Variants in MCTP1 observed in about 807,000 individuals in gnomAD.
MCTP1 encodes multiple C2 and transmembrane domain-containing protein 1.
Under a neutral mutation model 120.6 loss-of-function variants are expected in MCTP1, and 69 were observed. That is an observed-to-expected ratio of 0.57 (90% CI 0.47 to 0.70). The LOEUF (loss-of-function observed/expected upper bound fraction) is 0.70, where lower values mean the gene tolerates loss of function less well. Among genes scored for constraint, MCTP1 ranks in the 30% least tolerant of loss-of-function variants. The pLI, the probability that MCTP1 is intolerant of heterozygous loss-of-function variation, is 0.00. For missense variants in MCTP1, 1,203 were observed against 1,248.8 expected (o/e 0.96, Z 0.55); for synonymous variants, 529 against 493.1 (o/e 1.07, Z -0.96).
chr5:95,280,976 G>T (rs540694886), intron 1 of MCTP1, among the ~76,000 whole-genome samples: 139 of 152,336 alleles, frequency 9.1e-4, no homozygotes, highest in African/African-American at 3.2e-3. Context: ...GACGTGGAGA[G>T]TGTGTTGGAG....
At chr5:95,122,838 T>C (rs986205644) in intron 1 of MCTP1, among the ~76,000 whole-genome samples, 2 of 152,196 alleles carry the variant, frequency 1.3e-5, no homozygotes, top group African/African-American at 4.8e-5. Flanking sequence ...TTCTTGTGAT[T>C]TGCAACAACA....
At chr5:95,185,850 C>T (rs542429055) in intron 1 of MCTP1, among the ~76,000 whole-genome samples, 1 of 152,120 alleles carries the variant, frequency 6.6e-6, no homozygotes, top group African/African-American at 2.4e-5. Flanking sequence ...ATAAGCCGGA[C>T]ATGGTGGCAC....
At chr5:95,082,686 A>T (rs562402406) in intron 1 of MCTP1, among the ~76,000 whole-genome samples, 1 of 152,318 alleles carries the variant, frequency 6.6e-6, no homozygotes, top group African/African-American at 2.4e-5. Flanking sequence ...TCATAATAAA[A>T]TTATTAAATA....
chr5:95,046,818 A>G (rs1306309200), intron 1 of MCTP1, among the ~76,000 whole-genome samples: 1 of 152,040 alleles, frequency 6.6e-6, no homozygotes, highest in Admixed American at 6.6e-5. Context: ...ACCCTATTAG[A>G]CTGTGAATTC....
intron 17 of MCTP1, among the ~76,000 whole-genome samples, chr5:94,833,863 G>A (rs1789107879): frequency 1.3e-5 from 2 of 151,978 alleles, no homozygotes; most frequent in African/African-American, 4.8e-5. Context: ...TTAAGAAAGT[G>A]AGAAAAAAAA....
At chr5:95,195,179 AG>A (rs1750239384) in intron 1 of MCTP1, among the ~76,000 whole-genome samples, 1 of 152,212 alleles carries the variant, frequency 6.6e-6, no homozygotes, top group African/African-American at 2.4e-5. Flanking sequence ...TGGATGATGG[AG>A]AACGGGCTCT....
intron 12 of MCTP1, chr5:94,877,766 T>C (rs1222659632): frequency 6.6e-6 from 1 of 152,210 alleles, no homozygotes; most frequent in Non-Finnish European, 1.5e-5. Flanking sequence ...GACTTCAGTT[T>C]GTACAAACTA....
intron 5 of MCTP1, among the ~76,000 whole-genome samples, chr5:94,937,786 C>G (rs1816560015): frequency 6.6e-6 from 1 of 151,970 alleles, no homozygotes; most frequent in Non-Finnish European, 1.5e-5. Context: ...AATAAACATC[C>G]CTTTAATGTA....
chr5:94,957,587 G>GA (rs1004929960), intron 2 of MCTP1, among the ~76,000 whole-genome samples: 9 of 149,290 alleles, frequency 6.0e-5, no homozygotes, highest in South Asian at 4.2e-4. Context: ...AAAATGGAAA[G>GA]AAAAAAAAGA....
chr5:95,038,028 G>A (rs962622490), intron 1 of MCTP1: 1 of 539,212 alleles, frequency 1.9e-6, no homozygotes. Context: ...GCATGTCAAT[G>A]TGCCATTCTC....
chr5:94,833,738 A>G (rs1789075665), intron 17 of MCTP1, among the ~76,000 whole-genome samples: 1 of 152,188 alleles, frequency 6.6e-6, no homozygotes, highest in Non-Finnish European at 1.5e-5. Flanking sequence ...CTTGCTGTTC[A>G]TCAAGTGCCA....
chr5:95,218,140 G>T (rs1440485606), intron 1 of MCTP1, among the ~76,000 whole-genome samples: 7 of 152,198 alleles, frequency 4.6e-5, no homozygotes, highest in African/African-American at 1.7e-4. Context: ...GGAATTTCTA[G>T]TCCTCCAAAT....
At chr5:94,973,508 C>G (rs1827368537) in intron 2 of MCTP1, among the ~76,000 whole-genome samples, 1 of 152,132 alleles carries the variant, frequency 6.6e-6, no homozygotes, top group Non-Finnish European at 1.5e-5. Context: ...TGTCTTTTGT[C>G]TCCATTAGAC....
rs187391613 is a variant in MCTP1, at chr5:95,068,758, G to T, written c.721-51274C>A. On this transcript the variant is annotated intron_variant, in intron 1 of 22. Transcript: ENST00000515393. ...ATTAAACACCGAGCTAACACACTTTGTCAGTCATTTCCACTTTGAAACTTA... is the reference window on the plus strand; with the variant it reads ...ATTAAACACCGAGCTAACACACTTTTTCAGTCATTTCCACTTTGAAACTTA... The T allele has an allele frequency of 5.2e-3, 6,577 of 1,254,826 alleles. 20 individuals carry two copies. Among genetic ancestry groups the T allele is most frequent in the Non-Finnish European group, 6.3e-3 (6,120 of 969,870 alleles). The allele number at this position is 1,254,826 out of a possible 1,614,324, so 77.7% of individuals were successfully genotyped here.
chr5:95,228,326 A>G (rs1225656500), intron 1 of MCTP1, among the ~76,000 whole-genome samples: 1 of 152,184 alleles, frequency 6.6e-6, no homozygotes, highest in Non-Finnish European at 1.5e-5. Flanking sequence ...GAGGTTCTGG[A>G]CATACTGCCA....
chr5:94,779,185 G>T, intron 18 of MCTP1, 22 bp from the exon 19 acceptor site: 5 of 1,608,934 alleles, frequency 3.1e-6, no homozygotes, highest in Non-Finnish European at 4.3e-6. Flanking sequence ...AACAGAAGTC[G>T]TTTTTTGTGC....
At chr5:94,741,401 GA>G (rs914877335) in intron 19 of MCTP1, among the ~76,000 whole-genome samples, 3 of 152,178 alleles carry the variant, frequency 2.0e-5, no homozygotes, top group Admixed American at 1.3e-4. Flanking sequence ...AACATGAAGA[GA>G]CCCTCTGGTT....
intron 3 of MCTP1, among the ~76,000 whole-genome samples, chr5:94,951,552 T>C (rs972011135): frequency 1.3e-5 from 2 of 152,206 alleles, no homozygotes; most frequent in Admixed American, 6.5e-5. Context: ...ATACCTGCTT[T>C]CTTTCCTGAC....
intron 6 of MCTP1, among the ~76,000 whole-genome samples, chr5:94,924,726 C>T (rs938156024): frequency 7.2e-5 from 11 of 152,222 alleles, no homozygotes; most frequent in Admixed American, 7.2e-4. Context: ...ACAGTCTTCC[C>T]TTAAATGTTA....
Sources: allele counts gnomAD v4.1 joint callset (sites outside exome capture counted in the v4.1 genomes callset), GRCh38; gene constraint gnomAD v4.1.1; transcripts MANE v1.5; gene names NCBI Gene and HGNC (gene_info 2026-07-23, HGNC 2026-07-21).